SUGCT: variants seen among roughly 807,000 people sequenced by gnomAD.
SUGCT encodes the protein succinyl-CoA:glutarate CoA-transferase.
SUGCT carries 41 observed loss-of-function variants against 55.0 expected under a neutral mutation model. That is an observed-to-expected ratio of 0.74 (90% CI 0.58 to 0.97). The LOEUF is 0.97. SUGCT is among the 50% of genes least tolerant of loss of function. The pLI is 0.00. For missense variants in SUGCT, 568 were observed against 547.8 expected (o/e 1.04, Z -0.37); for synonymous variants, 187 against 200.4 (o/e 0.93, Z 0.56).
chr7:40,837,485 C>A (rs1263370716), intron 13 of SUGCT, among the ~76,000 whole-genome samples: 1 of 152,106 alleles, frequency 6.6e-6, no homozygotes, highest in East Asian at 1.9e-4. Context: ...GGTATCAAGT[C>A]TAAGAATTCT....
At chr7:40,732,252 A>T (rs1347823993) in intron 12 of SUGCT, among the ~76,000 whole-genome samples, 3 of 152,118 alleles carry the variant, frequency 2.0e-5, no homozygotes, top group Non-Finnish European at 4.4e-5. Context: ...CTGGCTGGTG[A>T]CATTGCTGCT....
At chr7:40,448,969 GAGAGAGAGAGAGAGAA>G (rs1338858079) in intron 9 of SUGCT, among the ~76,000 whole-genome samples, 2 of 151,268 alleles carry the variant, frequency 1.3e-5, no homozygotes, top group African/African-American at 2.4e-5. Flanking sequence ...TATAGAGAGA[GAGAGAGAGAGAGAGAA>G]AGAGAGAGAG....
At chr7:40,981,135 C>T in the SUGCT span, among the ~76,000 whole-genome samples, 1 of 152,232 alleles carries the variant, frequency 6.6e-6, no homozygotes, top group East Asian at 1.9e-4. Context: ...AGTTGTGGTC[C>T]AGCCATCTGA....
chr7:40,784,221 G>T (rs1243820279), intron 13 of SUGCT, among the ~76,000 whole-genome samples: 1 of 152,116 alleles, frequency 6.6e-6, no homozygotes, highest in Non-Finnish European at 1.5e-5. Context: ...TGTGTTGGGG[G>T]TGAGGGGGGT....
chr7:40,743,846 G>A (rs545188455), intron 12 of SUGCT, among the ~76,000 whole-genome samples: 68 of 152,128 alleles, frequency 4.5e-4, no homozygotes, highest in African/African-American at 1.3e-3. Flanking sequence ...ATTGCACTTC[G>A]TCCCTTAGAA....
chr7:40,967,648 T>C, the SUGCT span, among the ~76,000 whole-genome samples: 5 of 147,208 alleles, frequency 3.4e-5, no homozygotes, highest in African/African-American at 1.3e-4. Flanking sequence ...TGAGAAGGAG[T>C]CTTGCTCTGT....
At chr7:40,950,549 A>G in the SUGCT span, among the ~76,000 whole-genome samples, 1 of 152,100 alleles carries the variant, frequency 6.6e-6, no homozygotes, top group East Asian at 1.9e-4. Context: ...TTCAAAGGGA[A>G]TGCTTCCCAT....
rs370973203 is a variant in SUGCT at position 40,601,806 on chromosome 7, T to A, written c.1089+105420T>A. Among the ~76,000 whole-genome samples the A allele has an allele frequency of 1.9e-3, 283 of 152,214 alleles. 1 individual carries two copies. The highest frequency in any genetic ancestry group is 0.012 in the South Asian group (57 of 4,810). On this transcript the variant is annotated intron_variant, in intron 12 of 13. Transcript: ENST00000335693. ...TTTTATGTGTGGCCCAAGATACTTC[T>A]TCAAATGTAGCCCAGGGAAGCCAAA...
the SUGCT span, chr7:40,965,045 G>A: frequency 2.0e-5 from 3 of 152,202 alleles, no homozygotes; most frequent in African/African-American, 7.2e-5. Flanking sequence ...TGCCTAAACT[G>A]GATTGCATTT....
At chr7:40,733,542 G>A (rs1787004567) in intron 12 of SUGCT, among the ~76,000 whole-genome samples, 1 of 152,194 alleles carries the variant, frequency 6.6e-6, no homozygotes, top group African/African-American at 2.4e-5. Context: ...CCACCTTAGT[G>A]TTTTTAAGTC....
the SUGCT span, among the ~76,000 whole-genome samples, chr7:40,945,256 G>C: frequency 2.0e-5 from 3 of 152,112 alleles, no homozygotes; most frequent in Non-Finnish European, 2.9e-5. Context: ...CCACTGCCAA[G>C]CCAGCAGAAA....
chr7:40,238,784 T>C (rs772062731), intron 7 of SUGCT, among the ~76,000 whole-genome samples: 17 of 151,904 alleles, frequency 1.1e-4, no homozygotes, highest in Non-Finnish European at 5.9e-5. Flanking sequence ...CTTCGTTTCA[T>C]TTTCACAAGT....
At chr7:40,391,508 A>G (rs980234426) in intron 9 of SUGCT, among the ~76,000 whole-genome samples, 1 of 152,362 alleles carries the variant, frequency 6.6e-6, no homozygotes, top group Middle Eastern at 3.4e-3. Flanking sequence ...GAAGACATTT[A>G]TGCAGCCAAC....
At chr7:40,908,126 C>T in the SUGCT span, among the ~76,000 whole-genome samples, 1 of 151,716 alleles carries the variant, frequency 6.6e-6, no homozygotes. Flanking sequence ...AACCTGTAAC[C>T]CCGGCACTTT....
At chr7:40,666,892 G>T (rs888160402) in intron 12 of SUGCT, among the ~76,000 whole-genome samples, 1 of 152,076 alleles carries the variant, frequency 6.6e-6, no homozygotes, top group African/African-American at 2.4e-5. Context: ...ACTTTGCGAG[G>T]CTGAGCATGA....
intron 12 of SUGCT, among the ~76,000 whole-genome samples, chr7:40,585,758 T>C (rs1040803126): frequency 1.9e-4 from 29 of 152,232 alleles, no homozygotes; most frequent in African/African-American, 6.5e-4. Flanking sequence ...TATCTCACTG[T>C]GGTCCCGACC....
chr7:40,405,366 C>CTTTTCT (rs139615322), intron 9 of SUGCT, among the ~76,000 whole-genome samples: 1 of 152,060 alleles, frequency 6.6e-6, no homozygotes, highest in African/African-American at 2.4e-5. Context: ...GGGATAATGT[C>CTTTTCT]TTTTCTTTTT....
At position 40,768,942 on chromosome 7, in the gene SUGCT, C is replaced by T. The variant is rs913966453; in HGVS notation, c.1153+19445C>T. ...GGGCGAGGCAGCTTGAAATCGTGTC[C>T]TGTGCTGAGTGTGTCTATTAGGAGA... On this transcript the variant is annotated intron_variant, in intron 13 of 13. Coordinates refer to ENST00000335693, the MANE Select transcript of SUGCT (RefSeq NM_001193313.2). Among the ~76,000 whole-genome samples the T allele has an allele frequency of 2.6e-5, 4 of 152,108 alleles. No homozygotes were observed. In the East Asian group the frequency reaches 5.8e-4, roughly 22 times the overall value.
chr7:40,957,573 C>T, the SUGCT span, among the ~76,000 whole-genome samples: 1 of 150,536 alleles, frequency 6.6e-6, no homozygotes, highest in African/African-American at 2.4e-5. Context: ...ATACAGCACA[C>T]TGATGGGTCT....
Sources: allele counts gnomAD v4.1 joint callset (sites outside exome capture counted in the v4.1 genomes callset), GRCh38; gene constraint gnomAD v4.1.1; transcripts MANE v1.5; gene names NCBI Gene and HGNC (gene_info 2026-07-23, HGNC 2026-07-21).